Variants in PKIB observed in about 807,000 individuals in gnomAD.
PKIB encodes cAMP-dependent protein kinase inhibitor beta, also known as PKI-beta.
A neutral mutation model predicts 4.5 loss-of-function variants in PKIB; 2 were observed. The ratio of observed to expected loss-of-function variants is 0.44; its 90% CI spans 0.18 to 1.39. The LOEUF (loss-of-function observed/expected upper bound fraction) is 1.39, where lower values mean the gene tolerates loss of function less well. Ranked by LOEUF, PKIB falls within the 40% of genes most tolerant of loss-of-function variation. PKIB has a pLI of 0.27. For synonymous variants in PKIB, 38 were observed against 36.0 expected, an observed-to-expected ratio of 1.06 and a Z score of -0.20; for missense variants, 94 against 92.6, an observed-to-expected ratio of 1.02 and a Z score of -0.06.
intron 2 of PKIB, among the ~76,000 whole-genome samples, chr6:122,566,263 A>G (rs1005332365): frequency 2.6e-5 from 4 of 152,174 alleles, no homozygotes; most frequent in Non-Finnish European, 5.9e-5. Context: ...CATCACTGTC[A>G]TGAGGAACAC....
chr6:122,521,810 A>T (rs1240612452), intron 2 of PKIB, among the ~76,000 whole-genome samples: 1 of 152,190 alleles, frequency 6.6e-6, no homozygotes, highest in Non-Finnish European at 1.5e-5. Flanking sequence ...ATGCCAAATG[A>T]CCATAGAATG....
intron 3 of PKIB, among the ~76,000 whole-genome samples, chr6:122,704,041 G>C (rs1024609482): frequency 1.8e-4 from 28 of 151,610 alleles, no homozygotes; most frequent in African/African-American, 6.8e-4. Flanking sequence ...ACTCAGGAGA[G>C]CTAATGATAT....
chr6:122,560,422 G>C (rs1365450369), intron 2 of PKIB, among the ~76,000 whole-genome samples: 1 of 151,572 alleles, frequency 6.6e-6, no homozygotes. Context: ...TTATCTTTTT[G>C]ATATGTTGTT....
At chr6:122,688,137 G>A (rs1778164985) in intron 3 of PKIB, among the ~76,000 whole-genome samples, 1 of 151,952 alleles carries the variant, frequency 6.6e-6, no homozygotes, top group South Asian at 2.1e-4. Context: ...TTTTGTATCT[G>A]TTTTTCGAGG....
At chr6:122,539,878 A>T (rs1299592727) in intron 2 of PKIB, among the ~76,000 whole-genome samples, 1 of 152,062 alleles carries the variant, frequency 6.6e-6, no homozygotes, top group African/African-American at 2.4e-5. Flanking sequence ...TGGTCTATTC[A>T]GAGATTCAAC....
chr6:122,718,919 T>C (rs1779612589), intron 4 of PKIB, among the ~76,000 whole-genome samples: 1 of 152,238 alleles, frequency 6.6e-6, no homozygotes, highest in Admixed American at 6.5e-5. Flanking sequence ...AAGGCCACTA[T>C]TTCTCATATG....
chr6:122,493,896 A>G (rs1228851332), intron 2 of PKIB, among the ~76,000 whole-genome samples: 2 of 152,002 alleles, frequency 1.3e-5, no homozygotes, highest in Non-Finnish European at 2.9e-5. Context: ...TCTTGCAGTC[A>G]TTTATCTACT....
intron 1 of PKIB, among the ~76,000 whole-genome samples, chr6:122,625,201 CT>C (rs1775384626): frequency 6.6e-6 from 1 of 152,198 alleles, no homozygotes; most frequent in Non-Finnish European, 1.5e-5. Context: ...CTTGTATAAA[CT>C]GATACCTGAA....
At chr6:122,554,255 A>C (rs1006789007) in intron 2 of PKIB, among the ~76,000 whole-genome samples, 5 of 152,222 alleles carry the variant, frequency 3.3e-5, no homozygotes, top group Admixed American at 3.3e-4. Context: ...TGACAGAAAA[A>C]GTAATTAATT....
At chr6:122,658,060 A>G (rs1299501297) in intron 2 of PKIB, among the ~76,000 whole-genome samples, 1 of 152,246 alleles carries the variant, frequency 6.6e-6, no homozygotes, top group Admixed American at 6.5e-5. Flanking sequence ...ATGCAAATTC[A>G]AAGAAAAAGC....
chr6:122,599,518 A>G (rs1475169094), intron 3 of PKIB, among the ~76,000 whole-genome samples: 1 of 152,170 alleles, frequency 6.6e-6, no homozygotes, highest in East Asian at 1.9e-4. Flanking sequence ...GATAAGACTC[A>G]CTCAGGGCAA....
chr6:122,578,306 T>A (rs1367749382), intron 2 of PKIB, among the ~76,000 whole-genome samples: 1 of 152,184 alleles, frequency 6.6e-6, no homozygotes, highest in Non-Finnish European at 1.5e-5. Context: ...GCTACTTACA[T>A]GAACAAAAAG....
intron 2 of PKIB, among the ~76,000 whole-genome samples, chr6:122,569,492 G>A (rs947308540): frequency 9.2e-5 from 14 of 152,194 alleles, no homozygotes; most frequent in African/African-American, 2.4e-4. Context: ...GTGGGTCCAC[G>A]TGACAAGTTC....
chr6:122,488,604 A>AT (rs796216015), intron 2 of PKIB, among the ~76,000 whole-genome samples: 109 of 147,656 alleles, frequency 7.4e-4, no homozygotes, highest in African/African-American at 2.1e-3. Context: ...TAATTTTTGT[A>AT]TTTTTTTTTT....
intron 3 of PKIB, among the ~76,000 whole-genome samples, chr6:122,593,380 G>T (rs996112701): frequency 1.3e-5 from 2 of 152,138 alleles, no homozygotes; most frequent in Non-Finnish European, 2.9e-5. Context: ...GAAATATTTA[G>T]TGGGGAAATG....
At position 122,622,304 on chromosome 6, in the gene PKIB, ATT is replaced by A. The variant is rs61333695; in HGVS notation, c.-160-10970_-160-10969del. Among the ~76,000 whole-genome samples the A allele has an allele frequency of 2.3e-4, 35 of 151,456 alleles. 1 individual carries two copies. The highest frequency in any genetic ancestry group is 7.2e-4 in the Admixed American group (11 of 15,188). On this transcript the variant is annotated intron_variant, in intron 1 of 4. Transcript: ENST00000368452. The stretch of plus-strand genomic sequence containing the variant: ...TAATTTAAAAGGAACAGCCTTCTTC[ATT>A]TTTTTTTTGTAAATACTTAGACTAT...
chr6:122,622,718 C>T (rs1458681302), intron 1 of PKIB, among the ~76,000 whole-genome samples: 9 of 149,192 alleles, frequency 6.0e-5, no homozygotes, highest in Admixed American at 6.0e-4. Context: ...GGGGGCTCAC[C>T]CCTACCGGAG....
chr6:122,581,766 G>A (rs890973227), intron 2 of PKIB: 2 of 151,872 alleles, frequency 1.3e-5, no homozygotes, highest in African/African-American at 4.8e-5. Context: ...TGTGGGCAGG[G>A]ACCATTAAAA....
intron 2 of PKIB, chr6:122,479,951 A>T (rs1775561078): frequency 6.6e-6 from 1 of 152,216 alleles, no homozygotes; most frequent in African/African-American, 2.4e-5. Flanking sequence ...AAAATAATAG[A>T]AAGTTAAAAA....
Sources: allele counts gnomAD v4.1 joint callset (sites outside exome capture counted in the v4.1 genomes callset), GRCh38; gene constraint gnomAD v4.1.1; transcripts MANE v1.5; gene names NCBI Gene and HGNC (gene_info 2026-07-23, HGNC 2026-07-21).